Variants in RABGEF1 observed in about 807,000 individuals in gnomAD.
RABGEF1 encodes the protein rab5 GDP/GTP exchange factor.
Under a neutral mutation model 57.3 loss-of-function variants are expected in RABGEF1, and 26 were observed. The ratio of observed to expected loss-of-function variants is 0.45; its 90% confidence interval spans 0.33 to 0.63. The LOEUF is 0.63. Ranked by LOEUF, RABGEF1 falls within the 20% of genes least tolerant of loss-of-function variation. The probability of loss-of-function intolerance (pLI) is 0.02; values close to 1 mark genes in which losing one functional copy is unlikely to be tolerated. For synonymous variants in RABGEF1, 185 were observed against 210.7 expected (o/e 0.88, Z 1.06); for missense variants, 464 against 607.6 (o/e 0.76, Z 2.48).
intron 2 of RABGEF1, among the ~76,000 whole-genome samples, chr7:66,713,831 G>C (rs1393380225): frequency 6.6e-6 from 1 of 152,212 alleles, no homozygotes; most frequent in Non-Finnish European, 1.5e-5. Context: ...ATTGATCAAT[G>C]TGTTGGTATG....
At chr7:66,669,107 G>T in the RABGEF1 span, 2 of 152,496 alleles carry the variant, frequency 1.3e-5, no homozygotes, top group Non-Finnish European at 2.9e-5. Context: ...GTGTCCTCTT[G>T]TCTTCTTTCC....
chr7:66,704,652 TACAA>T (rs1264898489), intron 1 of RABGEF1, among the ~76,000 whole-genome samples: 2 of 151,874 alleles, frequency 1.3e-5, no homozygotes, highest in Non-Finnish European at 2.9e-5. Flanking sequence ...CTACTAAAAA[TACAA>T]ACAAATTAGC....
intron 1 of RABGEF1, among the ~76,000 whole-genome samples, chr7:66,684,638 T>C (rs1035411998): frequency 7.2e-5 from 11 of 152,024 alleles, no homozygotes; most frequent in African/African-American, 2.7e-4. Flanking sequence ...CTAAATTTTT[T>C]GTTTGTTTGT....
intron 1 of RABGEF1, among the ~76,000 whole-genome samples, chr7:66,741,154 G>T (rs560108433): frequency 1.3e-5 from 2 of 152,286 alleles, no homozygotes; most frequent in African/African-American, 4.8e-5. Context: ...TTCCGTCCAG[G>T]CCGCTGGCTC....
At chr7:66,654,919 T>A in the RABGEF1 span, among the ~76,000 whole-genome samples, 2 of 152,252 alleles carry the variant, frequency 1.3e-5, no homozygotes, top group East Asian at 3.8e-4. Flanking sequence ...CTTGAAGGCC[T>A]GACGCGGAGC....
intron 8 of RABGEF1, among the ~76,000 whole-genome samples, chr7:66,805,882 C>G (rs1374066280): frequency 6.6e-6 from 1 of 151,802 alleles, no homozygotes; most frequent in Non-Finnish European, 1.5e-5. Context: ...GAAGCTGGTA[C>G]CACAGGCATG....
intron 1 of RABGEF1, among the ~76,000 whole-genome samples, chr7:66,757,678 C>G (rs1442140636): frequency 6.6e-6 from 1 of 152,238 alleles, no homozygotes; most frequent in Non-Finnish European, 1.5e-5. Context: ...GTGGCATGAT[C>G]TCGGCTCACT....
chr7:66,804,561 C>A (rs1221877716), intron 7 of RABGEF1, among the ~76,000 whole-genome samples: 1 of 151,940 alleles, frequency 6.6e-6, no homozygotes, highest in East Asian at 1.9e-4. Flanking sequence ...ATGGTGAAAC[C>A]CCGTTTCTAC....
In RABGEF1 at chr7:66,706,785, T is replaced by G. The variant is rs1014722867; in HGVS notation, c.-872-5382T>G. On this transcript the variant is annotated intron_variant and NMD_transcript_variant, in intron 1 of 9. Transcript: ENST00000607882. ...TTCTTCTTTGACATACTGGTTTTTTTTTTTTTTTTTTTTTGAGAGGGAGTC... is the reference window on the plus strand; with the variant it reads ...TTCTTCTTTGACATACTGGTTTTTTGTTTTTTTTTTTTTTGAGAGGGAGTC... 2.0e-3 allele frequency among the ~76,000 whole-genome samples: 297 copies of G among 147,506 alleles called. 3 individuals are homozygous for G. Among genetic ancestry groups the G allele is most frequent in the Non-Finnish European group, 3.7e-3 (245 of 66,492 alleles).
At chr7:66,727,727 A>C (rs1454754258) in intron 2 of RABGEF1, among the ~76,000 whole-genome samples, 1 of 152,202 alleles carries the variant, frequency 6.6e-6, no homozygotes, top group African/African-American at 2.4e-5. Flanking sequence ...AGAAGTGGGC[A>C]CACCTGGGGA....
At chr7:66,680,287 C>T (rs552035838), upstream of RABGEF1, among the ~76,000 whole-genome samples, 1 of 151,830 alleles carries the variant, frequency 6.6e-6, no homozygotes, top group East Asian at 1.9e-4. Context: ...GCTCTTGTTG[C>T]CCAAGCTGGA....
chr7:66,705,916 G>T (rs2117316652), intron 1 of RABGEF1, among the ~76,000 whole-genome samples: 1 of 87,898 alleles, frequency 1.1e-5, no homozygotes, highest in Non-Finnish European at 2.0e-5. Context: ...TTTTTTTTGA[G>T]ACGGAGTCTC....
intron 1 of RABGEF1, among the ~76,000 whole-genome samples, chr7:66,687,976 A>T (rs1257418822): frequency 7.3e-5 from 11 of 151,332 alleles, no homozygotes; most frequent in African/African-American, 2.4e-4. Flanking sequence ...TCCCAGCTAC[A>T]CGGTAGGCTG....
chr7:66,702,476 T>G (rs1793442855), intron 1 of RABGEF1, among the ~76,000 whole-genome samples: 1 of 151,966 alleles, frequency 6.6e-6, no homozygotes, highest in Non-Finnish European at 1.5e-5. Context: ...AACTCATGTT[T>G]TCAGTTCTCT....
intron 6 of RABGEF1, among the ~76,000 whole-genome samples, 179 bp downstream of exon 6, chr7:66,797,685 C>G (rs1327404552): frequency 6.6e-6 from 1 of 152,208 alleles, no homozygotes; most frequent in Non-Finnish European, 1.5e-5. Flanking sequence ...GTGACCTCAC[C>G]TATCCATCTC....
intron 2 of RABGEF1, among the ~76,000 whole-genome samples, chr7:66,726,735 G>A (rs1180223596): frequency 1.3e-5 from 2 of 152,116 alleles, no homozygotes; most frequent in Non-Finnish European, 2.9e-5. Flanking sequence ...CAGGTGCGGT[G>A]GCTCACGCCT....
intron 1 of RABGEF1, among the ~76,000 whole-genome samples, chr7:66,707,548 CGTG>C (rs1346358360): frequency 2.0e-5 from 3 of 152,022 alleles, no homozygotes; most frequent in Non-Finnish European, 2.9e-5. Flanking sequence ...ACCAGCCAGT[CGTG>C]GTGGCACACA....
At chr7:66,691,297 A>G (rs550104089) in intron 1 of RABGEF1, among the ~76,000 whole-genome samples, 1 of 152,118 alleles carries the variant, frequency 6.6e-6, no homozygotes, top group Non-Finnish European at 1.5e-5. Context: ...AATTAAAAAT[A>G]TACATCTACA....
At chr7:66,682,662 G>A (rs1243465353) in intron 1 of RABGEF1, among the ~76,000 whole-genome samples, 1 of 152,134 alleles carries the variant, frequency 6.6e-6, no homozygotes, top group South Asian at 2.1e-4. Context: ...TCCCCGGAAC[G>A]CGCCGGGATG....
Sources: allele counts gnomAD v4.1 joint callset (sites outside exome capture counted in the v4.1 genomes callset), GRCh38; gene constraint gnomAD v4.1.1; transcripts MANE v1.5; gene names NCBI Gene and HGNC (gene_info 2026-07-23, HGNC 2026-07-21).